The following BCHE variants were observed in gnomAD, a reference collection of about 807,000 sequenced individuals.
The protein encoded by BCHE is butyrylcholinesterase, also known as cholinesterase.
A neutral mutation model predicts 51.3 loss-of-function variants in BCHE; 48 were observed. The observed-to-expected ratio is 0.94, with a 90% CI of 0.74 to 1.19. BCHE has a LOEUF of 1.19. Ranked by LOEUF, BCHE falls within the 50% of genes most tolerant of loss-of-function variation. The pLI is 0.00. For missense variants in BCHE, 847 were observed against 708.2 expected (o/e 1.20, Z -2.23); for synonymous variants, 251 against 238.0 (o/e 1.05, Z -0.50).
chr3:165,807,045 T>C (rs966465461), intron 2 of BCHE, among the ~76,000 whole-genome samples: 1 of 152,066 alleles, frequency 6.6e-6, no homozygotes, highest in Non-Finnish European at 1.5e-5. Flanking sequence ...TTTGGGGGGT[T>C]GGTGGAGCGG....
chr3:165,802,753 G>GT (rs1487811270), intron 2 of BCHE, among the ~76,000 whole-genome samples: 4 of 151,424 alleles, frequency 2.6e-5, no homozygotes, highest in African/African-American at 4.9e-5. Context: ...GTTTTGTTGT[G>GT]TTTTTTGAGA....
At chr3:165,833,910 C>G (rs1171951162) in intron 1 of BCHE, among the ~76,000 whole-genome samples, 2 of 151,984 alleles carry the variant, frequency 1.3e-5, no homozygotes, top group Non-Finnish European at 2.9e-5. Context: ...CTGGTTGTAC[C>G]CATTCTCCCT....
rs1412131939 is a variant in BCHE, at chr3:165,830,665, T to C, written c.369A>G (p.Leu123=). 5.0e-6 allele frequency: 8 copies of C among 1,614,038 alleles called. No individual in the cohort carries two copies. The highest frequency in any genetic ancestry group is 6.8e-6 in the Non-Finnish European group (8 of 1,179,968). Residue 123 remains leucine, a synonymous_variant, in exon 2 of 4, where the codon CTA becomes CTG. Coordinates refer to ENST00000264381, the MANE Select transcript of BCHE (RefSeq NM_000055.4). Reference sequence around the variant, plus strand: ...GTTTAGGTGCTGGAATCCATACATTTAGATATAAACAGTCTTCACTGAGGT... The same window carrying C: ...GTTTAGGTGCTGGAATCCATACATTCAGATATAAACAGTCTTCACTGAGGT... ...NTDLSEDCLY[L]NVWIPAPKPK...
intron 2 of BCHE, among the ~76,000 whole-genome samples, chr3:165,819,939 T>C (rs1714450253): frequency 6.6e-6 from 1 of 152,186 alleles, no homozygotes; most frequent in African/African-American, 2.4e-5. Flanking sequence ...AAAAAAATGA[T>C]TTATTAATAT....
intron 2 of BCHE, among the ~76,000 whole-genome samples, chr3:165,826,620 A>T (rs1170831682): frequency 6.6e-6 from 1 of 152,130 alleles, no homozygotes; most frequent in Non-Finnish European, 1.5e-5. Flanking sequence ...ATATTTTTAC[A>T]GTATGTACAT....
chr3:165,821,870 T>C (rs1168250028), intron 2 of BCHE, among the ~76,000 whole-genome samples: 1 of 151,914 alleles, frequency 6.6e-6, no homozygotes, highest in Non-Finnish European at 1.5e-5. Flanking sequence ...ATTACAAAAA[T>C]CAAGAACTGT....
intron 2 of BCHE, among the ~76,000 whole-genome samples, chr3:165,805,567 C>T (rs768761263): frequency 2.6e-5 from 4 of 152,068 alleles, no homozygotes; most frequent in Non-Finnish European, 4.4e-5. Flanking sequence ...CTCATATGCA[C>T]GTAGGCAGAT....
At chr3:165,782,882 T>C (rs565883639) in intron 3 of BCHE, among the ~76,000 whole-genome samples, 8 of 152,074 alleles carry the variant, frequency 5.3e-5, no homozygotes, top group Non-Finnish European at 7.4e-5. Context: ...AAAGCATTAA[T>C]CCCTTTTAAA....
At chr3:165,811,097 A>G (rs1464025) in intron 2 of BCHE, among the ~76,000 whole-genome samples, 144,043 of 152,136 alleles carry the variant, frequency 0.95, 68,259 homozygotes, top group Non-Finnish European at 0.97. Flanking sequence ...TTAAAAAATC[A>G]GTCATGAAAA....
At chr3:165,796,868 C>A (rs1713398944) in intron 2 of BCHE, among the ~76,000 whole-genome samples, 1 of 152,062 alleles carries the variant, frequency 6.6e-6, no homozygotes, top group South Asian at 2.1e-4. Context: ...AAAGAGTTAC[C>A]ACACAAAAGA....
chr3:165,816,580 A>AT (rs1714320953), intron 2 of BCHE, among the ~76,000 whole-genome samples: 2 of 151,956 alleles, frequency 1.3e-5, no homozygotes, highest in African/African-American at 4.8e-5. Context: ...CCACCATCCC[A>AT]TCAAAACACC....
Position 165,789,960 on chromosome 3 carries a change from T to C in BCHE, c.1518-3649A>G, listed in dbSNP as rs570179786. On this transcript the variant is annotated intron_variant, in intron 2 of 3. Coordinates refer to ENST00000264381, the MANE Select transcript of BCHE (RefSeq NM_000055.4). Reference sequence around the variant, plus strand: ...TTGATGAGAAAGACAATAAATAAGATCAATAAAGAAATGATGTAATATGTT... The same window carrying C: ...TTGATGAGAAAGACAATAAATAAGACCAATAAAGAAATGATGTAATATGTT... Among the ~76,000 whole-genome samples, 5 of 152,190 alleles carry C rather than the reference T, an allele frequency of 3.3e-5. No individual in the cohort carries two copies. In the East Asian group the frequency reaches 9.7e-4, roughly 29 times the overall value.
chr3:165,819,628 C>G (rs914984545), intron 2 of BCHE, among the ~76,000 whole-genome samples: 2 of 151,950 alleles, frequency 1.3e-5, no homozygotes, highest in Non-Finnish European at 2.9e-5. Context: ...TTTTAAGGCT[C>G]TATCTGTTTT....
chr3:165,778,133 T>C (rs1206554518), intron 3 of BCHE: 2 of 153,280 alleles, frequency 1.3e-5, no homozygotes, highest in Non-Finnish European at 2.9e-5. Flanking sequence ...TATGCAAACA[T>C]AGATGATATT....
At chr3:165,781,993 T>C (rs966203778) in intron 3 of BCHE, among the ~76,000 whole-genome samples, 7 of 152,110 alleles carry the variant, frequency 4.6e-5, no homozygotes, top group Non-Finnish European at 1.5e-5. Flanking sequence ...TGAGTATTCC[T>C]TGGAAAAATG....
intron 2 of BCHE, among the ~76,000 whole-genome samples, chr3:165,798,083 G>A (rs1280560882): frequency 6.6e-6 from 1 of 152,094 alleles, no homozygotes; most frequent in Non-Finnish European, 1.5e-5. Flanking sequence ...CAACATGTCT[G>A]TTTTTTTGAC....
chr3:165,784,120 A>G (rs1712814751), intron 3 of BCHE, among the ~76,000 whole-genome samples: 1 of 151,988 alleles, frequency 6.6e-6, no homozygotes. Context: ...TTAGGTATAA[A>G]GTTGCTTTAA....
chr3:165,783,226 A>G (rs1314728462), intron 3 of BCHE, among the ~76,000 whole-genome samples: 1 of 152,100 alleles, frequency 6.6e-6, no homozygotes, highest in Admixed American at 6.6e-5. Flanking sequence ...ATATTTCTTT[A>G]TGCAATAAAT....
At chr3:165,817,572 C>A (rs151021532) in intron 2 of BCHE, among the ~76,000 whole-genome samples, 7 of 152,144 alleles carry the variant, frequency 4.6e-5, no homozygotes, top group Non-Finnish European at 5.9e-5. Flanking sequence ...ATACTTTAGT[C>A]TTAGAGGTTG....
Sources: gnomAD v4.1 joint callset for allele counts (sites outside exome capture counted in the v4.1 genomes callset) on GRCh38, gnomAD v4.1.1 for gene constraint, MANE v1.5 for transcripts, NCBI Gene and HGNC (gene_info 2026-07-23, HGNC 2026-07-21) for gene names.